The following CCDC3 variants were observed in gnomAD, a reference collection of about 807,000 sequenced individuals.
CCDC3 encodes the protein coiled-coil domain-containing protein 3.
CCDC3 carries 24 observed loss-of-function variants against 21.4 expected under a neutral mutation model. The observed-to-expected ratio is 1.12, with a 90% CI of 0.81 to 1.58. The LOEUF is 1.58. Ranked by LOEUF, CCDC3 falls within the 40% of genes most tolerant of loss-of-function variation. The pLI, the probability that CCDC3 is intolerant of heterozygous loss-of-function variation, is 0.00. For missense variants in CCDC3, 425 were observed against 360.9 expected (o/e 1.18, Z -1.44); for synonymous variants, 186 against 166.0 (o/e 1.12, Z -0.93).
At chr10:12,954,059 T>C (rs996666208) in intron 2 of CCDC3, among the ~76,000 whole-genome samples, 2 of 152,186 alleles carry the variant, frequency 1.3e-5, no homozygotes, top group Non-Finnish European at 2.9e-5. Context: ...AAAATATTCA[T>C]TTTAACTACT....
At chr10:13,088,447 A>C (rs565860741) in intron 3 of CCDC3, among the ~76,000 whole-genome samples, 1 of 152,362 alleles carries the variant, frequency 6.6e-6, no homozygotes, top group Non-Finnish European at 1.5e-5. Flanking sequence ...CAAATCCAGC[A>C]GAGTCAATAT....
intron 2 of CCDC3, among the ~76,000 whole-genome samples, chr10:12,909,380 C>T (rs911300704): frequency 2.0e-5 from 3 of 152,168 alleles, no homozygotes; most frequent in Admixed American, 6.5e-5. Flanking sequence ...TTCTCCCCAC[C>T]GTGCCCAGCA....
intron 2 of CCDC3, among the ~76,000 whole-genome samples, chr10:12,949,230 T>C (rs1834972741): frequency 6.6e-6 from 1 of 152,104 alleles, no homozygotes; most frequent in Non-Finnish European, 1.5e-5. Flanking sequence ...CTGCCGGGAA[T>C]AAAGACCACA....
intron 5 of CCDC3, chr10:13,049,624 C>T (rs148785202): frequency 2.6e-5 from 4 of 152,254 alleles, no homozygotes; most frequent in African/African-American, 4.8e-5. Context: ...TTTTTTTAAA[C>T]GCCCTTTTAT....
At chr10:12,959,388 G>A (rs184220060) in intron 2 of CCDC3, among the ~76,000 whole-genome samples, 2 of 152,090 alleles carry the variant, frequency 1.3e-5, no homozygotes, top group African/African-American at 2.4e-5. Context: ...GGCTGGTCTC[G>A]AACTCCTGGC....
rs530005394 is a variant in CCDC3, at chr10:13,054,532, C to G, written c.-269-4591G>C. On this transcript the variant is annotated intron_variant, in intron 4 of 6. Transcript: ENST00000378839. Reference sequence around the variant, plus strand: ...GCATCTCGATGATCTTTGGGTACCCCCTGGCCTAACAGACTCAGTCATAGG... The same window carrying G: ...GCATCTCGATGATCTTTGGGTACCCGCTGGCCTAACAGACTCAGTCATAGG... Among the ~76,000 whole-genome samples, 43 of 152,198 alleles carry G rather than the reference C, an allele frequency of 2.8e-4. 1 individual carries two copies. The highest frequency in any genetic ancestry group is 1.0e-3 in the African/African-American group (42 of 41,526).
intron 4 of CCDC3, among the ~76,000 whole-genome samples, chr10:13,067,611 G>A (rs905082658): frequency 3.3e-5 from 5 of 152,126 alleles, no homozygotes; most frequent in African/African-American, 1.2e-4. Flanking sequence ...ACGTGGCAAC[G>A]TTTTGTCTTA....
At chr10:13,072,262 T>C (rs1314133271) in intron 4 of CCDC3, among the ~76,000 whole-genome samples, 2 of 152,158 alleles carry the variant, frequency 1.3e-5, no homozygotes, top group African/African-American at 4.8e-5. Flanking sequence ...CTGCTGGGGA[T>C]ACTTAGATAA....
In CCDC3 at chr10:13,017,522, AAAAAAAAAAG is replaced by A. The variant is rs537464775; in HGVS notation, c.-1-19020_-1-19011del. Among the ~76,000 whole-genome samples the A allele has an allele frequency of 6.2e-3, 942 of 150,774 alleles. 11 individuals carry two copies. Among genetic ancestry groups the A allele is most frequent in the Admixed American group, 0.031 (461 of 15,108 alleles). On this transcript the variant is annotated intron_variant, in intron 5 of 6. Transcript: ENST00000378839. Reference sequence around the variant, plus strand: ...ACAGAGCAAGACTCCATCTCAAAAAAAAAAAAAAAGAAAAGAAAAGAAAAGAAAAAAGGAA... The same window carrying A: ...ACAGAGCAAGACTCCATCTCAAAAAAAAAAGAAAAGAAAAGAAAAAAGGAA...
intron 1 of CCDC3, among the ~76,000 whole-genome samples, chr10:12,999,811 T>C (rs965255281): frequency 1.3e-5 from 2 of 152,260 alleles, no homozygotes; most frequent in Non-Finnish European, 2.9e-5. Flanking sequence ...AATAGTTTTA[T>C]AGATGGTTTC....
At chr10:12,918,899 C>CA (rs1834401717) in intron 2 of CCDC3, among the ~76,000 whole-genome samples, 1 of 152,018 alleles carries the variant, frequency 6.6e-6, no homozygotes, top group Non-Finnish European at 1.5e-5. Context: ...TAAAAAAATA[C>CA]AAAAAATTAG....
chr10:12,986,787 A>AAAAAAAC (rs1554758749), intron 2 of CCDC3, among the ~76,000 whole-genome samples: 1 of 151,594 alleles, frequency 6.6e-6, no homozygotes, highest in Non-Finnish European at 1.5e-5. Flanking sequence ...AAAAAAAACA[A>AAAAAAAC]AAAAACAAAA....
At chr10:13,018,405 G>C (rs1589041585) in intron 5 of CCDC3, among the ~76,000 whole-genome samples, 1 of 152,070 alleles carries the variant, frequency 6.6e-6, no homozygotes, top group Non-Finnish European at 1.5e-5. Context: ...TATCTCATCA[G>C]TATCTGCCCA....
At chr10:12,998,235 T>C (rs1835791689) in intron 2 of CCDC3, 103 bp downstream of exon 2, 3 of 1,299,856 alleles carry the variant, frequency 2.3e-6, no homozygotes, top group African/African-American at 3.0e-5. Flanking sequence ...CTCTCTGATC[T>C]GGGCTTTTGG....
At chr10:13,099,703 G>A (rs939176789), upstream of CCDC3, 3 of 151,920 alleles carry the variant, frequency 2.0e-5, no homozygotes, top group African/African-American at 7.3e-5. Flanking sequence ...ACTATGTCTA[G>A]ATGTTAACCT....
intron 5 of CCDC3, among the ~76,000 whole-genome samples, chr10:13,024,937 T>G (rs1048508438): frequency 2.0e-5 from 3 of 152,228 alleles, no homozygotes; most frequent in African/African-American, 7.2e-5. Flanking sequence ...CTTCCCATTC[T>G]TCCATATTTC....
chr10:12,952,001 T>A (rs1835016013), intron 2 of CCDC3, among the ~76,000 whole-genome samples: 1 of 152,066 alleles, frequency 6.6e-6, no homozygotes, highest in Non-Finnish European at 1.5e-5. Context: ...CCTTCTGGTA[T>A]CTTCACCATA....
chr10:13,034,699 TAAAA>T (rs1176148298), intron 5 of CCDC3, among the ~76,000 whole-genome samples: 1 of 117,574 alleles, frequency 8.5e-6, no homozygotes, highest in Non-Finnish European at 1.9e-5. Flanking sequence ...GTTCTCACTG[TAAAA>T]AACAAACAAA....
intron 2 of CCDC3, among the ~76,000 whole-genome samples, chr10:12,975,560 G>A (rs1244657338): frequency 6.6e-6 from 1 of 152,210 alleles, no homozygotes; most frequent in East Asian, 1.9e-4. Context: ...TCCAGGACTT[G>A]CAAGCCTCCC....
Sources: allele counts gnomAD v4.1 joint callset (sites outside exome capture counted in the v4.1 genomes callset), GRCh38; gene constraint gnomAD v4.1.1; transcripts MANE v1.5; gene names NCBI Gene and HGNC (gene_info 2026-07-23, HGNC 2026-07-21).